CELSR2: variants seen among roughly 807,000 people sequenced by gnomAD.
The protein encoded by CELSR2 is EGF-like protein 2.
Under a neutral mutation model 251.6 loss-of-function variants are expected in CELSR2, and 81 were observed. That is an observed-to-expected ratio of 0.32 (90% CI 0.27 to 0.39). The LOEUF (loss-of-function observed/expected upper bound fraction) is 0.39, where lower values mean the gene tolerates loss of function less well. CELSR2 is among the 10% of genes least tolerant of loss of function. The pLI, the probability that CELSR2 is intolerant of heterozygous loss-of-function variation, is 1.00. For missense variants in CELSR2, 3,365 were observed against 3,947.7 expected, an observed-to-expected ratio of 0.85 and a Z score of 3.96; for synonymous variants, 1,721 against 1,670.5, an observed-to-expected ratio of 1.03 and a Z score of -0.74.
In CELSR2 at chr1:109,273,523, G is replaced by A. The variant is rs752542322; in HGVS notation, c.8597G>A (p.Arg2866Gln). Reference sequence around the variant, plus strand: ...CTGGAGCAATGCACAGGGTCTTCCCGGGGCTCCTCCGCTAGTGAGGGCAGC... The same window carrying A: ...CTGGAGCAATGCACAGGGTCTTCCCAGGGCTCCTCCGCTAGTGAGGGCAGC... ...LPLEQCTGSS[R>Q]GSSASEGSRG... Residue 2866 changes from arginine (R) to glutamine (Q), a missense_variant, in exon 33 of 34, where the codon CGG (arginine) becomes CAG (glutamine). Arg to Gln is a conservative substitution (Grantham distance 43, BLOSUM62 1). This residue lies in a region of CELSR2 where 2,093 missense variants were observed against 2,382.8 expected (regional missense o/e 0.88). Transcript: ENST00000271332. The A allele has an allele frequency of 5.6e-6, 9 of 1,602,150 alleles. No individual in the cohort carries two copies. Among genetic ancestry groups the A allele is most frequent in the South Asian group, 5.6e-5 (5 of 89,406 alleles).
chr1:109,256,938 G>A (rs1207063411), intron 1 of CELSR2, among the ~76,000 whole-genome samples: 2 of 152,074 alleles, frequency 1.3e-5, no homozygotes, highest in Admixed American at 6.5e-5. Context: ...GACTACAGGC[G>A]TGAGCCACTG....
intron 33 of CELSR2, 148 bp downstream of exon 33, chr1:109,273,818 G>A: frequency 2.0e-6 from 2 of 978,856 alleles, no homozygotes; most frequent in Non-Finnish European, 3.1e-6. Context: ...ACTATGCCGT[G>A]CCCACAAACC....
In CELSR2 at chr1:109,251,713, C is replaced by G. The variant is rs1311260850; in HGVS notation, c.1634C>G (p.Ala545Gly). 4 of 1,614,104 alleles carry G rather than the reference C, an allele frequency of 2.5e-6. No homozygotes were observed. Among genetic ancestry groups the G allele is most frequent in the Non-Finnish European group, 3.4e-6 (4 of 1,180,024 alleles). Reference sequence around the variant, plus strand: ...AATGCCCGCCTGGAATACCGCCTTGCTGGGGTGGGACATGACTTCCCCTTC... The same window carrying G: ...AATGCCCGCCTGGAATACCGCCTTGGTGGGGTGGGACATGACTTCCCCTTC... ...GDNARLEYRL[A>G]GVGHDFPFTI... The change falls in exon 1 of 34, where the codon GCT (alanine) becomes GGT (glycine). Residue 545 changes from alanine (A) to glycine (G), a missense_variant. Physicochemically the swap from Ala to Gly is moderately conservative, Grantham distance 60. Transcript: ENST00000271332. The surrounding 1 kb of genome is among the most constrained non-coding windows in gnomAD (Gnocchi z 4.9).
At chr1:109,266,369 A>C in intron 15 of CELSR2, 163 bp downstream of exon 15, 3 of 822,116 alleles carry the variant, frequency 3.6e-6, no homozygotes, top group East Asian at 2.7e-5. Flanking sequence ...CCCCTTCCCC[A>C]TGTTGCCCAG....
intron 30 of CELSR2, 25 bp from the exon 31 acceptor site, chr1:109,272,808 C>CT (rs1557737973): frequency 6.2e-7 from 1 of 1,612,942 alleles, no homozygotes; most frequent in East Asian, 2.2e-5. Context: ...GCTGGGCTGG[C>CT]TGTGATCTCT....
At chr1:109,272,174 T>G (rs1389068052) in intron 28 of CELSR2, 104 bp from the exon 29 acceptor site, 1 of 1,400,060 alleles carries the variant, frequency 7.1e-7, no homozygotes, top group African/African-American at 1.4e-5. Flanking sequence ...GACCTGAGCA[T>G]GTGGAAGGTG....
chr1:109,251,470 A>G lies in CELSR2; in HGVS notation c.1391A>G (p.Tyr464Cys). 1 of 1,613,806 alleles carries G rather than the reference A, an allele frequency of 6.2e-7. No individual in the cohort carries two copies. The change falls in exon 1 of 34, where the codon TAT becomes TGT. Residue 464 changes from tyrosine (Y) to cysteine (C), a missense_variant. Transcript: ENST00000271332. The surrounding 1 kb of genome is among the most constrained non-coding windows in gnomAD (Gnocchi z 4.9). ...CTGGATGTGGTGAGCCCTCTTGACT[A>G]TGAGACGACCAAGGAGTACACCCTA... The part of the protein sequence containing the change: ...GALDVVSPLD[Y>C]ETTKEYTLRV...
In CELSR2 at chr1:109,271,063, G is replaced by A. The variant is rs202177034; in HGVS notation, c.7596+24G>A. 3.2e-5 allele frequency: 50 copies of A among 1,584,138 alleles called. No individual in the cohort carries two copies. In the East Asian group the frequency reaches 3.6e-4, roughly 11 times the overall value. On this transcript the variant is annotated intron_variant, in intron 25 of 33. Transcript: ENST00000271332. ...CGGTGAGTGCTAGCAGGTGGGTTGG[G>A]TGTCACCTGTGGCCCTCCTTTGCTG...
chr1:109,265,631 C>A lies in CELSR2; in HGVS notation c.5728-104C>A. 12 of 1,387,388 alleles carry A rather than the reference C, an allele frequency of 8.6e-6. No homozygotes were observed. In the South Asian group the frequency reaches 1.6e-4, roughly 19 times the overall value. The allele number at this position is 1,387,388 out of a possible 1,614,324, so 85.9% of individuals were successfully genotyped here. On this transcript the variant is annotated intron_variant, in intron 13 of 33. Transcript: ENST00000271332. ...ATTTTGAATACTGCTCCTGAGGGGA[C>A]CTGAGGTCGGGACCCTCTCCACAGG... is the stretch of plus-strand genomic sequence containing the variant.
chr1:109,267,385 C>T (rs577009381), intron 15 of CELSR2, among the ~76,000 whole-genome samples, 163 bp from the exon 16 acceptor site: 1 of 152,232 alleles, frequency 6.6e-6, no homozygotes, highest in South Asian at 2.1e-4. Context: ...GATTTTTGGC[C>T]CTGGTGTTCT....
At position 109,264,247 on chromosome 1, in the gene CELSR2, A is replaced by G; in HGVS notation, c.5171A>G (p.Gln1724Arg). 1 of 1,613,880 alleles carries G rather than the reference A, an allele frequency of 6.2e-7. No individual in the cohort carries two copies. The highest frequency in any genetic ancestry group is 8.5e-7 in the Non-Finnish European group (1 of 1,179,914). Reference sequence around the variant, plus strand: ...ATTCTGTCCTTCGATTATGGGCAGCAGAGAGCAGAGGGCAACCTGGGCCCC... The same window carrying G: ...ATTCTGTCCTTCGATTATGGGCAGCGGAGAGCAGAGGGCAACCTGGGCCCC... ...HAILSFDYGQ[Q>R]RAEGNLGPRL... The change falls in exon 10 of 34, where the codon CAG becomes CGG. Residue 1724 changes from glutamine (Q) to arginine (R), a missense_variant. By Grantham distance (43) the Gln-to-Arg change is conservative. Around this residue, in one of 5 missense-constraint regions of CELSR2, gnomAD observed 2,093 missense variants for 2,382.8 expected, o/e 0.88. Coordinates refer to ENST00000271332, the MANE Select transcript of CELSR2 (RefSeq NM_001408.3).
In CELSR2 at chr1:109,268,904, A is replaced by G. The variant is rs758368775; in HGVS notation, c.6527A>G (p.Lys2176Arg). 1.2e-6 allele frequency: 2 copies of G among 1,612,058 alleles called. No homozygotes were observed. The highest frequency in any genetic ancestry group is 1.1e-5 in the South Asian group (1 of 90,946). ...GTCATCTCCGTAGTGCGCTTGGACA[A>G]AGGGAACTTTGCTGGGGCCAAGCTG... The part of the protein sequence containing the change: ...NIVISVVRLD[K>R]GNFAGAKLPR... The change falls in exon 19 of 34, where the codon AAA (lysine) becomes AGA (arginine). Residue 2176 changes from lysine to arginine, a missense_variant. This residue lies in a region of CELSR2 where 2,093 missense variants were observed against 2,382.8 expected (regional missense o/e 0.88). Coordinates refer to ENST00000271332, the MANE Select transcript of CELSR2 (RefSeq NM_001408.3).
chr1:109,254,748 C>T (rs1182042696), intron 1 of CELSR2, among the ~76,000 whole-genome samples: 2 of 152,184 alleles, frequency 1.3e-5, no homozygotes, highest in African/African-American at 2.4e-5. Context: ...ACAGATGCCT[C>T]CCTGCCCCAC....
rs766369447 is a variant in CELSR2 at position 109,271,011 on chromosome 1, T to C, written c.7568T>C (p.Phe2523Ser). The change falls in exon 25 of 34, where the codon TTT becomes TCT. Residue 2523 changes from phenylalanine to serine, a missense_variant. Phe to Ser is a radical substitution (Grantham distance 155). Coordinates refer to ENST00000271332, the MANE Select transcript of CELSR2 (RefSeq NM_001408.3). ...LSIYDTLIWSFAGPVAFAVSM... is the reference protein window; with the variant it reads ...LSIYDTLIWSSAGPVAFAVSM... ...ATCTATGACACGCTCATCTGGAGTT[T>C]TGCTGGCCCGGTGGCCTTTGCCGTC... 1.2e-6 allele frequency: 2 copies of C among 1,613,790 alleles called. No homozygotes were observed. The highest frequency in any genetic ancestry group is 1.1e-5 in the South Asian group (1 of 91,066).
intron 33 of CELSR2, 51 bp downstream of exon 33, chr1:109,273,721 C>T: frequency 7.2e-7 from 1 of 1,381,212 alleles, no homozygotes; most frequent in African/African-American, 1.5e-5. Context: ...GGAGGCCTCA[C>T]CTGGGCCCAG....
chr1:109,268,595 G>A lies in CELSR2; in HGVS notation c.6333G>A (p.Val2111=). The change falls in exon 18 of 34, where the codon GTG becomes GTA. Residue 2111 remains valine, a synonymous_variant. Transcript: ENST00000271332. Reference sequence around the variant, plus strand: ...GCCCACCCCAGAATCTGCTGCGGGTGGGCAGCGCCCTCCTGGACACAGCCA... The same window carrying A: ...GCCCACCCCAGAATCTGCTGCGGGTAGGCAGCGCCCTCCTGGACACAGCCA... ...DVHFTENLLR[V]GSALLDTANK... 1 of 1,610,724 alleles carries A rather than the reference G, an allele frequency of 6.2e-7. No homozygotes were observed. The highest frequency in any genetic ancestry group is 8.5e-7 in the Non-Finnish European group (1 of 1,178,082).
In CELSR2 at chr1:109,274,152, T is replaced by G; in HGVS notation, c.*103T>G. ...TTATCCTGCCCCGCTCCCCATCGCC[T>G]GCCCGCAGCAGCGACGAAACGTCCA... On this transcript the variant is annotated 3_prime_UTR_variant, in exon 34 of 34. Coordinates refer to ENST00000271332, the MANE Select transcript of CELSR2 (RefSeq NM_001408.3). The G allele has an allele frequency of 6.2e-7, 1 of 1,603,286 alleles. No individual in the cohort carries two copies. Among genetic ancestry groups the G allele is most frequent in the South Asian group, 1.1e-5 (1 of 90,898 alleles).
chr1:109,267,675 T>TG, intron 16 of CELSR2, 33 bp downstream of exon 16: 1 of 1,610,722 alleles, frequency 6.2e-7, no homozygotes, highest in Non-Finnish European at 8.5e-7. Flanking sequence ...ATCTTTTCCC[T>TG]GTCCTTCGTC....
chr1:109,259,946 C>G (rs1228417136), intron 2 of CELSR2, among the ~76,000 whole-genome samples: 11 of 152,106 alleles, frequency 7.2e-5, no homozygotes, highest in African/African-American at 2.4e-4. Context: ...TGCTCCCCTT[C>G]CCTGTGGGCC....
Sources: gnomAD v4.1 joint callset for allele counts (sites outside exome capture counted in the v4.1 genomes callset) on GRCh38, gnomAD v4.1.1 for gene constraint, gnomAD v4.1.1 regional missense constraint, Gnocchi (gnomAD v3.1) non-coding constraint, MANE v1.5 for transcripts, NCBI Gene and HGNC (gene_info 2026-07-23, HGNC 2026-07-21) for gene names.